Variants in AIG1 observed in about 807,000 individuals in gnomAD.
The protein encoded by AIG1 is androgen induced 1.
A neutral mutation model predicts 31.4 loss-of-function variants in AIG1; 23 were observed. The observed-to-expected ratio is 0.73, with a 90% CI of 0.53 to 1.04. The LOEUF is 1.04. AIG1 is among the 50% of genes least tolerant of loss of function. The pLI, the probability that AIG1 is intolerant of heterozygous loss-of-function variation, is 0.00. For missense variants in AIG1, 274 were observed against 295.0 expected (o/e 0.93, Z 0.52); for synonymous variants, 100 against 110.5 (o/e 0.90, Z 0.60).
chr6:143,060,216 C>G (rs770693617), upstream of AIG1, among the ~76,000 whole-genome samples: 1 of 152,204 alleles, frequency 6.6e-6, no homozygotes, highest in African/African-American at 2.4e-5. Flanking sequence ...CGTAGCCTAC[C>G]CATTGAAAGC....
At chr6:143,226,280 C>T (rs1232148206) in intron 3 of AIG1, among the ~76,000 whole-genome samples, 1 of 150,112 alleles carries the variant, frequency 6.7e-6, no homozygotes, top group Admixed American at 6.6e-5. Flanking sequence ...CTCACTCTGT[C>T]ACCAGGCTGG....
intron 3 of AIG1, among the ~76,000 whole-genome samples, chr6:143,165,864 T>C (rs530192810): frequency 4.6e-5 from 7 of 152,356 alleles, no homozygotes; most frequent in African/African-American, 1.7e-4. Flanking sequence ...CATTTGAGGA[T>C]ATATTTTCTG....
intron 3 of AIG1, chr6:143,187,697 C>T (rs1222518284): frequency 4.4e-5 from 67 of 1,535,918 alleles, no homozygotes; most frequent in Non-Finnish European, 5.8e-5. Flanking sequence ...CAGGCTGCCT[C>T]TCCACAGAAA....
At chr6:143,302,476 T>G (rs1015218750) in intron 4 of AIG1, among the ~76,000 whole-genome samples, 4 of 151,936 alleles carry the variant, frequency 2.6e-5, no homozygotes, top group Non-Finnish European at 5.9e-5. Flanking sequence ...TATGCGGTGT[T>G]TGGTTTTTTG....
At chr6:143,218,526 G>A (rs1250889553) in intron 3 of AIG1, among the ~76,000 whole-genome samples, 2 of 152,184 alleles carry the variant, frequency 1.3e-5, no homozygotes, top group African/African-American at 4.8e-5. Flanking sequence ...TGCTGTCCCT[G>A]AAGCAAGGGT....
Position 143,341,015 on chromosome 6 carries a change from A to G in AIG1, c.*1339A>G, listed in dbSNP as rs1348428406. The stretch of plus-strand genomic sequence containing the variant: ...TTTAAACTCAAAAAGTTAATTTAAA[A>G]TTAGTTACATTTAAATGTAATTAAA... On this transcript the variant is annotated 3_prime_UTR_variant, in exon 6 of 6. Transcript: ENST00000357847. Among the ~76,000 whole-genome samples, 1 of 152,216 alleles carries G rather than the reference A, an allele frequency of 6.6e-6. No individual in the cohort carries two copies. Among genetic ancestry groups the G allele is most frequent in the Non-Finnish European group, 1.5e-5 (1 of 68,034 alleles).
chr6:143,219,960 C>A (rs1360675804), intron 3 of AIG1, among the ~76,000 whole-genome samples: 2 of 152,130 alleles, frequency 1.3e-5, no homozygotes, highest in Admixed American at 6.5e-5. Flanking sequence ...CCCAACTGTT[C>A]TTTTTGCCAG....
At chr6:143,303,858 G>A (rs1443557787) in intron 4 of AIG1, among the ~76,000 whole-genome samples, 7 of 147,528 alleles carry the variant, frequency 4.7e-5, no homozygotes, top group Non-Finnish European at 8.9e-5. Context: ...CTACCCATGA[G>A]CATGGAATGT....
intron 1 of AIG1, among the ~76,000 whole-genome samples, chr6:143,118,300 A>C (rs1263334222): frequency 1.3e-5 from 2 of 152,118 alleles, no homozygotes; most frequent in African/African-American, 2.4e-5. Flanking sequence ...CTCTACCAAA[A>C]TACAAAAAAT....
At chr6:143,156,748 G>A (rs1293969119) in intron 2 of AIG1, among the ~76,000 whole-genome samples, 2 of 152,208 alleles carry the variant, frequency 1.3e-5, no homozygotes, top group Non-Finnish European at 2.9e-5. Flanking sequence ...TTGTAACTGA[G>A]ACATACTAGG....
At chr6:143,188,089 A>G (rs1456611129) in intron 3 of AIG1, 3 of 1,022,212 alleles carry the variant, frequency 2.9e-6, no homozygotes, top group Non-Finnish European at 3.5e-6. Context: ...GTACAGTGAT[A>G]AATGGAGAGA....
intron 3 of AIG1, among the ~76,000 whole-genome samples, chr6:143,218,145 T>C (rs1213279572): frequency 6.6e-6 from 1 of 152,270 alleles, no homozygotes; most frequent in Non-Finnish European, 1.5e-5. Context: ...TATTAACTTA[T>C]ACTGACTGTT....
At chr6:143,232,657 A>G (rs780665641) in intron 3 of AIG1, among the ~76,000 whole-genome samples, 1 of 152,158 alleles carries the variant, frequency 6.6e-6, no homozygotes, top group African/African-American at 2.4e-5. Context: ...ACATGTTTTT[A>G]TCACCATAAC....
At position 143,326,692 on chromosome 6, in the gene AIG1, T is replaced by C. The variant is rs1156640719; in HGVS notation, c.516-6590T>C. ...TCAGGGGAGACTTTCCCGGAGTAAGTGATAATTGATCAGTTGTACCAGTTG... is the reference window on the plus strand; with the variant it reads ...TCAGGGGAGACTTTCCCGGAGTAAGCGATAATTGATCAGTTGTACCAGTTG... On this transcript the variant is annotated intron_variant, in intron 4 of 5. Transcript: ENST00000357847. The surrounding 1 kb of genome is among the most constrained non-coding windows in gnomAD (Gnocchi z 4.5). 6.6e-6 allele frequency among the ~76,000 whole-genome samples: 1 copy of C among 152,214 alleles called. No homozygotes were observed. Among genetic ancestry groups the C allele is most frequent in the Non-Finnish European group, 1.5e-5 (1 of 68,036 alleles).
In AIG1 at chr6:143,298,857, G is replaced by T. The variant is rs190659236; in HGVS notation, c.515+14632G>T. On this transcript the variant is annotated intron_variant, in intron 4 of 5. Coordinates refer to ENST00000357847, the MANE Select transcript of AIG1 (RefSeq NM_016108.4). This position sits in a 1 kb window ranked among gnomAD's most constrained non-coding sequence, Gnocchi z 5.1. ...TCAAGACAGTCGCTAGCCACAGTAT[G>T]TGCACTCAGAAGAAGGGAAATCTTA... 4.6e-5 allele frequency: 7 copies of T among 152,374 alleles called. No homozygotes were observed. The highest frequency in any genetic ancestry group is 1.0e-4 in the Non-Finnish European group (7 of 68,040). The allele number at this position is 152,374 out of a possible 1,614,324, so 9.4% of individuals were successfully genotyped here.
intron 3 of AIG1, among the ~76,000 whole-genome samples, chr6:143,194,451 C>G (rs1790060406): frequency 1.3e-5 from 2 of 152,134 alleles, no homozygotes; most frequent in African/African-American, 4.8e-5. Context: ...GGACACAGAG[C>G]CAAACCAAAT....
chr6:143,263,275 G>GTTTTTTTTTTT (rs34950112), intron 3 of AIG1, among the ~76,000 whole-genome samples: 1 of 146,504 alleles, frequency 6.8e-6, no homozygotes, highest in African/African-American at 2.5e-5. Flanking sequence ...TCCTTTATTT[G>GTTTTTTTTTTT]TTTTTTTTTT....
intron 3 of AIG1, among the ~76,000 whole-genome samples, chr6:143,182,611 C>T (rs1415032874): frequency 5.3e-4 from 81 of 152,196 alleles, no homozygotes; most frequent in East Asian, 1.9e-4. Context: ...ACCCTGCTCC[C>T]CCTTCCCATG....
At chr6:143,250,875 G>T (rs980798646) in intron 3 of AIG1, among the ~76,000 whole-genome samples, 3 of 152,068 alleles carry the variant, frequency 2.0e-5, no homozygotes, top group African/African-American at 7.2e-5. Flanking sequence ...TTTATGTGTG[G>T]CCTAAGACAA....
Sources: allele counts gnomAD v4.1 joint callset (sites outside exome capture counted in the v4.1 genomes callset), GRCh38; gene constraint gnomAD v4.1.1; non-coding constraint Gnocchi (gnomAD v3.1); transcripts MANE v1.5; gene names NCBI Gene and HGNC (gene_info 2026-07-23, HGNC 2026-07-21).